SEZ6: variants seen among roughly 807,000 people sequenced by gnomAD.
The protein encoded by SEZ6 is seizure protein 6 homolog.
A neutral mutation model predicts 101.0 loss-of-function variants in SEZ6; 53 were observed. The ratio of observed to expected loss-of-function variants is 0.52; its 90% CI spans 0.42 to 0.66. SEZ6 has a LOEUF of 0.66. Ranked by LOEUF, SEZ6 falls within the 30% of genes least tolerant of loss-of-function variation. The pLI, the probability that SEZ6 is intolerant of heterozygous loss-of-function variation, is 0.00. For synonymous variants in SEZ6, 488 were observed against 512.2 expected, an observed-to-expected ratio of 0.95 and a Z score of 0.64; for missense variants, 1,102 against 1,289.4, an observed-to-expected ratio of 0.85 and a Z score of 2.23.
chr17:28,991,575 T>C (rs958638875), intron 1 of SEZ6, among the ~76,000 whole-genome samples: 1 of 152,112 alleles, frequency 6.6e-6, no homozygotes, highest in South Asian at 2.1e-4. Flanking sequence ...CTACCTGACT[T>C]CTCAGCCTTA....
chr17:28,955,728 C>T lies in SEZ6; in HGVS notation c.*234G>A, dbSNP rs147119635. ...GCTATGTTCTTCCCACAGGTAGATG[C>T]CCCCTGACATGGGCCCAATGAAGGG... On this transcript the variant is annotated 3_prime_UTR_variant, in exon 17 of 17. Transcript: ENST00000317338. The T allele has an allele frequency of 3.5e-5, 24 of 686,666 alleles. No individual in the cohort carries two copies. The East Asian group carries it at 4.4e-4, about 13-fold the overall frequency. The allele number at this position is 686,666 out of a possible 1,614,324, so 42.5% of individuals were successfully genotyped here. A position where few individuals can be genotyped will look rare whatever the true frequency, so the allele number is the denominator to read the frequency against.
At chr17:28,976,427 C>A (rs996069167) in intron 3 of SEZ6, among the ~76,000 whole-genome samples, 5 of 152,184 alleles carry the variant, frequency 3.3e-5, no homozygotes, top group African/African-American at 7.2e-5. Context: ...CTAAGACAGT[C>A]CTCTCCTCCA....
intron 1 of SEZ6, among the ~76,000 whole-genome samples, chr17:28,999,715 T>C (rs557166037): frequency 9.0e-4 from 137 of 152,188 alleles, no homozygotes; most frequent in African/African-American, 3.2e-3. Flanking sequence ...GGGCTGGGCC[T>C]CAGTGGAGGC....
At chr17:28,967,956 A>T (rs1423456766) in intron 4 of SEZ6, among the ~76,000 whole-genome samples, 1 of 152,142 alleles carries the variant, frequency 6.6e-6, no homozygotes, top group Non-Finnish European at 1.5e-5. Context: ...CAGTGCCAGG[A>T]ATGCTGAGGA....
rs373489140 is a variant in SEZ6 at position 28,959,453 on chromosome 17, G to C, written c.1791C>G (p.Ile597Met). 6.2e-6 allele frequency: 10 copies of C among 1,613,384 alleles called. No individual in the cohort carries two copies. In the African/African-American group the frequency reaches 1.1e-4, roughly 17 times the overall value. The change falls in exon 9 of 17, where the codon ATC becomes ATG. Residue 597 changes from isoleucine to methionine, a missense_variant. By Grantham distance (10) the Ile-to-Met change is conservative (BLOSUM62 1). Coordinates refer to ENST00000317338, the MANE Select transcript of SEZ6 (RefSeq NM_178860.5). This position sits in a 1 kb window ranked among gnomAD's most constrained non-coding sequence, Gnocchi z 4.4. ...AGAGTACCACGCCAGCCGAGTCTGTGATCTCCCCGCTGCACACGGCTGGAA... is the reference window on the plus strand; with the variant it reads ...AGAGTACCACGCCAGCCGAGTCTGTCATCTCCCCGCTGCACACGGCTGGAA... ...PACRAVCSGE[I>M]TDSAGVVLSP...
chr17:28,958,070 C>T lies in SEZ6; in HGVS notation c.2179G>A (p.Glu727Lys). 1.2e-6 allele frequency: 2 copies of T among 1,612,754 alleles called. No homozygotes were observed. Among genetic ancestry groups the T allele is most frequent in the Non-Finnish European group, 1.7e-6 (2 of 1,178,912 alleles). Residue 727 changes from glutamate to lysine, a missense_variant, in exon 11 of 17, where the codon GAG becomes AAG. By Grantham distance (56) the Glu-to-Lys change is moderately conservative. Coordinates refer to ENST00000317338, the MANE Select transcript of SEZ6 (RefSeq NM_178860.5). ...PNGWKSPSQP[E>K]LVHGTVVTYQ... Reference sequence around the variant, plus strand: ...GTGACCACGGTGCCGTGCACTAGCTCAGGCTGCGATGGGCTCTTCCAGCCA... The same window carrying T: ...GTGACCACGGTGCCGTGCACTAGCTTAGGCTGCGATGGGCTCTTCCAGCCA...
At chr17:28,969,669 C>G (rs1453278195) in intron 4 of SEZ6, 88 bp downstream of exon 4, 2 of 1,242,064 alleles carry the variant, frequency 1.6e-6, no homozygotes. Context: ...CTCCTTCCCT[C>G]TAGGATGTAA....
intron 3 of SEZ6, among the ~76,000 whole-genome samples, chr17:28,970,865 C>T (rs897808411): frequency 1.5e-4 from 23 of 152,226 alleles, no homozygotes; most frequent in African/African-American, 5.3e-4. Flanking sequence ...CCAACTTGGC[C>T]CCTGCTGACT....
chr17:28,960,042 G>A, intron 7 of SEZ6, 150 bp from the exon 8 acceptor site: 1 of 874,648 alleles, frequency 1.1e-6, no homozygotes, highest in East Asian at 2.7e-5. Flanking sequence ...ATGTGATGGA[G>A]GAGGGACAGC....
intron 11 of SEZ6, 35 bp from the exon 12 acceptor site, chr17:28,957,574 A>G (rs769384475): frequency 3.2e-6 from 5 of 1,586,380 alleles, no homozygotes; most frequent in Middle Eastern, 1.7e-4. Context: ...AAGTAGCCCA[A>G]GGAGAACTAA....
intron 1 of SEZ6, among the ~76,000 whole-genome samples, chr17:28,990,070 C>A (rs2041435719): frequency 6.6e-6 from 1 of 152,012 alleles, no homozygotes; most frequent in Admixed American, 6.6e-5. Context: ...TAAACTCTGT[C>A]CCCTGCCCAC....
intron 4 of SEZ6, among the ~76,000 whole-genome samples, chr17:28,966,353 C>T (rs35499974): frequency 6.3e-5 from 9 of 143,978 alleles, no homozygotes; most frequent in East Asian, 2.1e-4. Flanking sequence ...CATGGTGGCA[C>T]GCGCCTGTAG....
At chr17:28,979,514 C>G (rs1005696628) in intron 3 of SEZ6, among the ~76,000 whole-genome samples, 166 bp downstream of exon 3, 1 of 152,252 alleles carries the variant, frequency 6.6e-6, no homozygotes, top group Non-Finnish European at 1.5e-5. Flanking sequence ...GCCAAACACA[C>G]GGGGCAGAAT....
At chr17:28,980,471 G>A (rs1386380170) in intron 2 of SEZ6, among the ~76,000 whole-genome samples, 1 of 151,232 alleles carries the variant, frequency 6.6e-6, no homozygotes, top group South Asian at 2.1e-4. Flanking sequence ...CCGGGTTCAC[G>A]CCATTCTCCT....
intron 10 of SEZ6, 47 bp from the exon 11 acceptor site, chr17:28,958,188 GTGACTGTCCCCCTCACCT>G (rs1217484699): frequency 1.3e-6 from 2 of 1,548,202 alleles, no homozygotes; most frequent in South Asian, 2.4e-5. Context: ...CAGCACCAAA[GTGACTGTCCCCCTCACCT>G]TGAGGGCACT....
rs544568773 is a variant in SEZ6, at chr17:28,983,979, G to A, written c.56-1940C>T. ...GGGAGGAAATTGGGTGGGGGAGGTG[G>A]GTACAGGTTGGAGGGCTCTCCATTC... On this transcript the variant is annotated intron_variant, in intron 1 of 16. Coordinates refer to ENST00000317338, the MANE Select transcript of SEZ6 (RefSeq NM_178860.5). 2.1e-4 allele frequency among the ~76,000 whole-genome samples: 32 copies of A among 152,226 alleles called. No individual in the cohort carries two copies. The South Asian group carries it at 6.2e-3, about 30-fold the overall frequency.
Position 28,958,144 on chromosome 17 carries a change from G to C in SEZ6, c.2108-3C>G. 1 of 1,586,758 alleles carries C rather than the reference G, an allele frequency of 6.3e-7. No individual in the cohort carries two copies. The highest frequency in any genetic ancestry group is 8.6e-7 in the Non-Finnish European group (1 of 1,159,622). On this transcript the variant is annotated splice_polypyrimidine_tract_variant and splice_region_variant and intron_variant, in intron 10 of 16. Transcript: ENST00000317338. ...ACATGTGTCATTGCGGGGCACCTCT[G>C]GGGGCACAGAGGCACAAGATGCAGG...
At chr17:28,962,780 CAAAAAAAAA>C (rs141990354) in intron 5 of SEZ6, among the ~76,000 whole-genome samples, 3 of 47,318 alleles carry the variant, frequency 6.3e-5, no homozygotes, top group African/African-American at 2.3e-4. Flanking sequence ...GACTCCATCT[CAAAAAAAAA>C]AAAAAAAAAA....
chr17:28,959,869 C>A lies in SEZ6; in HGVS notation c.1600G>T (p.Glu534Ter). 2 of 1,611,936 alleles carry A rather than the reference C, an allele frequency of 1.2e-6. No individual in the cohort carries two copies. Among genetic ancestry groups the A allele is most frequent in the Non-Finnish European group, 1.7e-6 (2 of 1,179,010 alleles). Reference sequence around the variant, plus strand: ...AAGTTACCGTATTTGACAAAGGGCTCATAGCAATGGCCCTGCTGGAAGGCT... The same window carrying A: ...AAGTTACCGTATTTGACAAAGGGCTAATAGCAATGGCCCTGCTGGAAGGCT... Reference protein sequence around the residue: ...YEAFQQGHCYEPFVKYGNFSS... With the variant: ...YEAFQQGHCY The change falls in exon 8 of 17, where the codon GAG (glutamate) becomes TAG (stop). Residue 534 changes from glutamate to a stop codon, truncating the protein, a stop_gained. Coordinates refer to ENST00000317338, the MANE Select transcript of SEZ6 (RefSeq NM_178860.5). LOFTEE classifies it high-confidence loss of function. The surrounding 1 kb of genome is among the most constrained non-coding windows in gnomAD (Gnocchi z 4.4).
Sources: gnomAD v4.1 joint callset for allele counts (sites outside exome capture counted in the v4.1 genomes callset) on GRCh38, gnomAD v4.1.1 for gene constraint, Gnocchi (gnomAD v3.1) non-coding constraint, MANE v1.5 for transcripts, NCBI Gene and HGNC (gene_info 2026-07-23, HGNC 2026-07-21) for gene names.